Variants in RSU1 observed in about 807,000 individuals in gnomAD.
RSU1 encodes the protein Ras suppressor protein 1.
A neutral mutation model predicts 31.1 loss-of-function variants in RSU1; 26 were observed. The ratio of observed to expected loss-of-function variants is 0.84; its 90% CI spans 0.61 to 1.16. The LOEUF is 1.16. Among genes scored for constraint, RSU1 ranks in the 50% most tolerant of loss-of-function variants. The probability of loss-of-function intolerance (pLI) is 0.00; values close to 1 mark genes in which losing one functional copy is unlikely to be tolerated. For missense variants in RSU1, 320 were observed against 339.1 expected (o/e 0.94, Z 0.44); for synonymous variants, 164 against 136.3 (o/e 1.20, Z -1.41).
chr10:16,722,335 C>A (rs1188600283), intron 7 of RSU1, among the ~76,000 whole-genome samples: 3 of 152,022 alleles, frequency 2.0e-5, no homozygotes, highest in Non-Finnish European at 4.4e-5. Context: ...TTTAAGAAAA[C>A]AGATGAAAAG....
intron 2 of RSU1, among the ~76,000 whole-genome samples, chr10:16,791,927 T>A (rs1180195433): frequency 6.6e-6 from 1 of 152,128 alleles, no homozygotes; most frequent in Non-Finnish European, 1.5e-5. Context: ...AGCAAATGAT[T>A]CCTTTAGTAG....
intron 7 of RSU1, among the ~76,000 whole-genome samples, chr10:16,745,728 G>A (rs969500847): frequency 2.0e-5 from 3 of 152,184 alleles, no homozygotes; most frequent in African/African-American, 7.2e-5. Context: ...AGGACACAGA[G>A]CCACATCATA....
At chr10:16,662,243 G>T (rs1316291100) in intron 8 of RSU1, among the ~76,000 whole-genome samples, 4 of 152,144 alleles carry the variant, frequency 2.6e-5, no homozygotes, top group Non-Finnish European at 4.4e-5. Context: ...ACAAGACAAA[G>T]AATTTTCACA....
At chr10:16,716,393 T>A (rs1836140813) in intron 7 of RSU1, among the ~76,000 whole-genome samples, 1 of 152,198 alleles carries the variant, frequency 6.6e-6, no homozygotes, top group African/African-American at 2.4e-5. Flanking sequence ...GAAAAAGCCA[T>A]GACTCACTTT....
intron 7 of RSU1, among the ~76,000 whole-genome samples, chr10:16,716,253 G>A (rs1157885342): frequency 6.6e-6 from 1 of 152,216 alleles, no homozygotes; most frequent in South Asian, 2.1e-4. Context: ...GCCAGGGCCA[G>A]GGCATAAATG....
At chr10:16,643,891 A>AT (rs35164780) in intron 8 of RSU1, among the ~76,000 whole-genome samples, 7,665 of 150,330 alleles carry the variant, frequency 0.051, 627 homozygotes, top group African/African-American at 0.18. Context: ...ACAAGTGAAG[A>AT]TTTTTTTTTT....
At chr10:16,723,613 C>T (rs1018096509) in intron 7 of RSU1, among the ~76,000 whole-genome samples, 1 of 152,172 alleles carries the variant, frequency 6.6e-6, no homozygotes, top group Non-Finnish European at 1.5e-5. Context: ...TAGTCGCATA[C>T]TATAGTTTAC....
rs981695837 is a variant in RSU1, at chr10:16,685,309, C to T, written c.731+9714G>A. Reference sequence around the variant, plus strand: ...ATGAACTGTTACAGGAAAGGGGTCGCGATCCAGACCCTAAGAGAGAATTCT... The same window carrying T: ...ATGAACTGTTACAGGAAAGGGGTCGTGATCCAGACCCTAAGAGAGAATTCT... On this transcript the variant is annotated intron_variant, in intron 8 of 8. Coordinates refer to ENST00000345264, the MANE Select transcript of RSU1 (RefSeq NM_012425.4). Among the ~76,000 whole-genome samples the T allele has an allele frequency of 2.0e-5, 3 of 152,168 alleles. No homozygotes were observed. The East Asian group carries it at 5.8e-4, about 29-fold the overall frequency.
intron 2 of RSU1, among the ~76,000 whole-genome samples, chr10:16,806,757 ATTAT>A (rs1456092646): frequency 6.6e-6 from 1 of 152,104 alleles, no homozygotes; most frequent in Admixed American, 6.5e-5. Flanking sequence ...CAGCTGTTTC[ATTAT>A]TTATTTATTT....
At chr10:16,780,048 G>T (rs1324574578) in intron 3 of RSU1, among the ~76,000 whole-genome samples, 1 of 152,114 alleles carries the variant, frequency 6.6e-6, no homozygotes, top group African/African-American at 2.4e-5. Flanking sequence ...TTCTTTCACA[G>T]TCAGTCTCCT....
At chr10:16,714,934 T>A (rs1836107235) in intron 7 of RSU1, among the ~76,000 whole-genome samples, 1 of 152,152 alleles carries the variant, frequency 6.6e-6, no homozygotes, top group Non-Finnish European at 1.5e-5. Flanking sequence ...AGGGGACTCC[T>A]ATATCAAAGA....
intron 2 of RSU1, among the ~76,000 whole-genome samples, chr10:16,809,848 T>C (rs1370924938): frequency 6.6e-6 from 1 of 152,160 alleles, no homozygotes; most frequent in Non-Finnish European, 1.5e-5. Flanking sequence ...ATGGTGAAAA[T>C]ATAACTACTT....
At position 16,643,786 on chromosome 10, in the gene RSU1, C is replaced by G. The variant is rs577368642; in HGVS notation, c.732-50290G>C. On this transcript the variant is annotated intron_variant, in intron 8 of 8. Transcript: ENST00000345264. The stretch of plus-strand genomic sequence containing the variant: ...GCTGTTAAGGCTAAAGTAGAGAATG[C>G]AAGTATATTCAGCCCTTCATGTCTG... Among the ~76,000 whole-genome samples the G allele has an allele frequency of 3.6e-4, 54 of 150,778 alleles. 1 individual carries two copies. The highest frequency in any genetic ancestry group is 1.6e-3 in the Admixed American group (24 of 15,238).
chr10:16,746,478 C>T (rs1236495817), intron 7 of RSU1, among the ~76,000 whole-genome samples: 1 of 152,150 alleles, frequency 6.6e-6, no homozygotes, highest in East Asian at 1.9e-4. Flanking sequence ...AGCCAAGCAA[C>T]CAGAAACGAT....
intron 8 of RSU1, among the ~76,000 whole-genome samples, chr10:16,656,221 A>G (rs566789020): frequency 6.6e-6 from 1 of 152,296 alleles, no homozygotes; most frequent in Admixed American, 6.5e-5. Flanking sequence ...TGTATCCTTC[A>G]AAGCTTTTTT....
intron 8 of RSU1, among the ~76,000 whole-genome samples, chr10:16,668,061 A>G (rs907756291): frequency 2.0e-5 from 3 of 152,184 alleles, no homozygotes; most frequent in African/African-American, 7.2e-5. Context: ...TTGCAGTGAG[A>G]AATGCTTGGG....
chr10:16,681,813 A>T (rs1202804887), intron 8 of RSU1, among the ~76,000 whole-genome samples: 2 of 152,214 alleles, frequency 1.3e-5, no homozygotes, highest in African/African-American at 4.8e-5. Context: ...TATGTTTTTT[A>T]AAAATGTTAT....
chr10:16,632,154 G>GA (rs1834262438), intron 8 of RSU1, among the ~76,000 whole-genome samples: 1 of 151,992 alleles, frequency 6.6e-6, no homozygotes, highest in Admixed American at 6.6e-5. Flanking sequence ...AAGTCAAGGA[G>GA]AAAAAACATG....
chr10:16,800,086 A>T (rs1480428577), intron 2 of RSU1, among the ~76,000 whole-genome samples: 1 of 152,192 alleles, frequency 6.6e-6, no homozygotes, highest in Non-Finnish European at 1.5e-5. Context: ...GACACAAGAG[A>T]AAATTTTACC....
Sources: gnomAD v4.1 joint callset for allele counts (sites outside exome capture counted in the v4.1 genomes callset) on GRCh38, gnomAD v4.1.1 for gene constraint, MANE v1.5 for transcripts, NCBI Gene and HGNC (gene_info 2026-07-23, HGNC 2026-07-21) for gene names.